FSTL5: variants seen among roughly 807,000 people sequenced by gnomAD.
The protein encoded by FSTL5 is follistatin like 5, also known as follistatin-related protein 5.
FSTL5 carries 62 observed loss-of-function variants against 89.1 expected under a neutral mutation model. The ratio of observed to expected loss-of-function variants is 0.70; its 90% CI spans 0.57 to 0.86. The LOEUF is 0.86. Ranked by LOEUF, FSTL5 falls within the 40% of genes least tolerant of loss-of-function variation. The pLI is 0.00. For missense variants in FSTL5, 1,057 were observed against 1,001.6 expected (o/e 1.06, Z -0.75); for synonymous variants, 383 against 346.2 (o/e 1.11, Z -1.18).
At chr4:161,609,342 T>C (rs1246904116) in intron 7 of FSTL5, among the ~76,000 whole-genome samples, 1 of 152,166 alleles carries the variant, frequency 6.6e-6, no homozygotes, top group Non-Finnish European at 1.5e-5. Context: ...CTAAGCGATA[T>C]ATCAATAAGT....
intron 6 of FSTL5, among the ~76,000 whole-genome samples, chr4:161,713,238 A>C (rs546338221): frequency 1.1e-3 from 162 of 152,314 alleles, no homozygotes; most frequent in African/African-American, 3.8e-3. Flanking sequence ...AGACTAACAA[A>C]ATACTAAAAC....
intron 2 of FSTL5, among the ~76,000 whole-genome samples, chr4:162,052,805 C>G (rs938084520): frequency 6.6e-6 from 1 of 151,816 alleles, no homozygotes; most frequent in South Asian, 2.1e-4. Context: ...AATCTACTCT[C>G]TTAGTTTTCA....
chr4:161,677,504 C>T (rs1045597048), intron 6 of FSTL5, among the ~76,000 whole-genome samples: 5 of 151,956 alleles, frequency 3.3e-5, no homozygotes, highest in Admixed American at 2.0e-4. Flanking sequence ...GTGTATCACA[C>T]ATTTGGAAAT....
intron 2 of FSTL5, among the ~76,000 whole-genome samples, chr4:162,049,858 CAAGA>C (rs1416444256): frequency 6.6e-6 from 1 of 151,704 alleles, no homozygotes; most frequent in Admixed American, 6.6e-5. Flanking sequence ...GAAATAAGAA[CAAGA>C]AAGACTAAAG....
chr4:161,947,458 C>T (rs574666939), intron 3 of FSTL5, among the ~76,000 whole-genome samples: 1 of 151,882 alleles, frequency 6.6e-6, no homozygotes, highest in Non-Finnish European at 1.5e-5. Context: ...TTTTTTCACC[C>T]TATAATCATC....
chr4:162,107,000 C>T (rs1579032962), intron 2 of FSTL5, among the ~76,000 whole-genome samples: 1 of 152,084 alleles, frequency 6.6e-6, no homozygotes, highest in Admixed American at 6.6e-5. Context: ...ATAATTCAGC[C>T]CAGATGCATT....
intron 3 of FSTL5, among the ~76,000 whole-genome samples, chr4:161,972,898 C>A (rs890526522): frequency 2.6e-5 from 4 of 152,322 alleles, no homozygotes; most frequent in Admixed American, 1.3e-4. Flanking sequence ...ACATTCACCA[C>A]AATTTACACA....
At chr4:161,638,671 C>G (rs1025710474) in intron 7 of FSTL5, among the ~76,000 whole-genome samples, 1 of 137,052 alleles carries the variant, frequency 7.3e-6, no homozygotes, top group East Asian at 2.1e-4. Context: ...ATTCTGATAC[C>G]AAAGCCGGGC....
chr4:162,112,319 A>G (rs1731476553), intron 1 of FSTL5, among the ~76,000 whole-genome samples: 1 of 152,160 alleles, frequency 6.6e-6, no homozygotes, highest in Non-Finnish European at 1.5e-5. Flanking sequence ...TTTGTTATGT[A>G]GGCTGGAGTG....
In FSTL5 at chr4:161,385,704, T is replaced by C. The variant is rs1283965243; in HGVS notation, c.*43A>G. ...AATTTAAACAATGGATTAAGTGCAA[T>C]GTATTGTAAAACGCTTCATTCAATA... On this transcript the variant is annotated 3_prime_UTR_variant, in exon 16 of 16. Transcript: ENST00000306100. 13 of 1,300,780 alleles carry C rather than the reference T, an allele frequency of 1.0e-5. No individual in the cohort carries two copies. Among genetic ancestry groups the C allele is most frequent in the African/African-American group, 3.0e-5 (2 of 67,406 alleles). 80.6% of individuals were successfully genotyped at this position (1,300,780 alleles called of 1,614,324 possible). A position where few individuals can be genotyped will look rare whatever the true frequency, so the allele number is the denominator to read the frequency against.
At chr4:161,520,108 A>G (rs1730973482) in intron 10 of FSTL5, among the ~76,000 whole-genome samples, 2 of 152,084 alleles carry the variant, frequency 1.3e-5, no homozygotes, top group Non-Finnish European at 2.9e-5. Flanking sequence ...AACTCTCCTT[A>G]TCATTGCAGA....
chr4:162,159,909 G>C (rs1733628589), intron 1 of FSTL5, among the ~76,000 whole-genome samples: 1 of 151,892 alleles, frequency 6.6e-6, no homozygotes, highest in Non-Finnish European at 1.5e-5. Context: ...AAACTGGTAT[G>C]TGCACAAGCA....
At chr4:162,089,703 A>G (rs1290149012) in intron 2 of FSTL5, among the ~76,000 whole-genome samples, 1 of 151,646 alleles carries the variant, frequency 6.6e-6, no homozygotes, top group East Asian at 1.9e-4. Flanking sequence ...TATCGTTGCT[A>G]TACTTAAAAA....
chr4:162,079,163 A>C (rs1037239933), intron 2 of FSTL5, among the ~76,000 whole-genome samples: 2 of 151,782 alleles, frequency 1.3e-5, no homozygotes, highest in East Asian at 1.9e-4. Flanking sequence ...ATGGGTTTAC[A>C]TAACAAGTGT....
At chr4:162,102,617 A>G (rs1444663950) in intron 2 of FSTL5, among the ~76,000 whole-genome samples, 80 of 146,318 alleles carry the variant, frequency 5.5e-4, no homozygotes, top group Non-Finnish European at 1.5e-4. Context: ...TATTATATAT[A>G]AAATATTTAT....
At chr4:161,730,298 A>C (rs1282247590) in intron 6 of FSTL5, among the ~76,000 whole-genome samples, 1 of 152,148 alleles carries the variant, frequency 6.6e-6, no homozygotes, top group Admixed American at 6.5e-5. Context: ...GAAATTACAA[A>C]TATGAGTTGT....
intron 12 of FSTL5, among the ~76,000 whole-genome samples, chr4:161,491,839 C>CA (rs11356806): frequency 0.32 from 39,758 of 122,552 alleles, 6,520 homozygotes; most frequent in Middle Eastern, 0.42. Context: ...GACTCTGTCT[C>CA]AAAAAAAAAA....
intron 4 of FSTL5, among the ~76,000 whole-genome samples, chr4:161,871,656 T>C (rs1005207894): frequency 2.6e-5 from 4 of 152,206 alleles, no homozygotes; most frequent in African/African-American, 9.6e-5. Flanking sequence ...GTTGAACAAA[T>C]GCTTGTTTGA....
At chr4:161,497,526 T>C (rs1271069599) in intron 12 of FSTL5, among the ~76,000 whole-genome samples, 3 of 152,118 alleles carry the variant, frequency 2.0e-5, no homozygotes, top group Admixed American at 1.3e-4. Flanking sequence ...TACTATTTGA[T>C]AGTTTTCTCC....
Sources: gnomAD v4.1 joint callset for allele counts (sites outside exome capture counted in the v4.1 genomes callset) on GRCh38, gnomAD v4.1.1 for gene constraint, MANE v1.5 for transcripts, NCBI Gene and HGNC (gene_info 2026-07-23, HGNC 2026-07-21) for gene names.